The following CTC1 variants were observed in gnomAD, a reference collection of about 807,000 sequenced individuals.
The protein encoded by CTC1 is CST complex subunit CTC1.
CTC1 carries 91 observed loss-of-function variants against 136.3 expected under a neutral mutation model. That is an observed-to-expected ratio of 0.67 (90% CI 0.56 to 0.79). The LOEUF (loss-of-function observed/expected upper bound fraction) is 0.79, where lower values mean the gene tolerates loss of function less well. CTC1 is among the 30% of genes least tolerant of loss of function. The pLI is 0.00. For missense variants in CTC1, 1,432 were observed against 1,498.1 expected, an observed-to-expected ratio of 0.96 and a Z score of 0.73; for synonymous variants, 606 against 613.8, an observed-to-expected ratio of 0.99 and a Z score of 0.19.
chr17:8,233,843 G>A (rs956845457), intron 10 of CTC1, among the ~76,000 whole-genome samples: 3 of 152,046 alleles, frequency 2.0e-5, no homozygotes, highest in Admixed American at 6.6e-5. Flanking sequence ...AGGCTGAGGT[G>A]GGAAGATCAC....
At chr17:8,230,723 G>T in intron 15 of CTC1, 72 bp from the exon 16 acceptor site, 2 of 1,314,524 alleles carry the variant, frequency 1.5e-6, no homozygotes, top group Non-Finnish European at 2.2e-6. Flanking sequence ...CAGATTCAAG[G>T]CAGAAAATGG....
At chr17:8,234,720 G>A (rs1987547332) in intron 9 of CTC1, 29 bp downstream of exon 9, 1 of 1,581,480 alleles carries the variant, frequency 6.3e-7, no homozygotes, top group South Asian at 1.2e-5. Flanking sequence ...CCAGTGTTCT[G>A]CCACCATCCT....
intron 1 of CTC1, among the ~76,000 whole-genome samples, chr17:8,243,550 G>A (rs924750012): frequency 6.6e-6 from 1 of 151,748 alleles, no homozygotes; most frequent in African/African-American, 2.4e-5. Context: ...AATATCCAGA[G>A]GGCACATGAA....
chr17:8,236,657 A>G (rs1406645485), intron 5 of CTC1, among the ~76,000 whole-genome samples: 1 of 152,236 alleles, frequency 6.6e-6, no homozygotes, highest in East Asian at 1.9e-4. Context: ...TCATGTAATC[A>G]AAGTGTATTG....
Position 8,231,339 on chromosome 17 carries a change from T to C in CTC1, c.2606A>G (p.Gln869Arg). ...TGACTTGTTTGCATCCAGCACATCT[T>C]GGATATCCTGGGAGCTTTCAAGCTC... ...TLELESSQDI[Q>R]DVLDANKSLP... The change falls in exon 15 of 23, where the codon CAA (glutamine) becomes CGA (arginine). Residue 869 changes from glutamine (Q) to arginine (R), a missense_variant. By Grantham distance (43) the Gln-to-Arg change is conservative. Coordinates refer to ENST00000651323, the MANE Select transcript of CTC1 (RefSeq NM_025099.6). The C allele has an allele frequency of 3.7e-6, 6 of 1,609,106 alleles. No homozygotes were observed. Among genetic ancestry groups the C allele is most frequent in the Admixed American group, 1.7e-5 (1 of 59,732 alleles).
In CTC1 at chr17:8,226,258, A is replaced by G. The variant is rs1313662135; in HGVS notation, c.*1922T>C. On this transcript the variant is annotated 3_prime_UTR_variant, in exon 23 of 23. Transcript: ENST00000651323. ...AAAGGCACCGCTGGGATTCGAACCC[A>G]GGATCTCCTGTTTACTAGACAGGCG... The G allele has an allele frequency of 1.3e-5, 2 of 152,348 alleles. No homozygotes were observed. Among genetic ancestry groups the G allele is most frequent in the Non-Finnish European group, 2.9e-5 (2 of 68,044 alleles). The allele number at this position is 152,348 out of a possible 1,614,324, so 9.4% of individuals were successfully genotyped here.
rs1442228646 is a variant in CTC1, at chr17:8,227,375, G to A, written c.*805C>T. 2.0e-5 allele frequency: 3 copies of A among 152,190 alleles called. No homozygotes were observed. The highest frequency in any genetic ancestry group is 2.0e-4 in the Admixed American group (3 of 15,280). 9.4% of individuals were successfully genotyped at this position (152,190 alleles called of 1,614,324 possible). On this transcript the variant is annotated 3_prime_UTR_variant, in exon 23 of 23. Transcript: ENST00000651323. ...ATTTCGGAGCACCTTCTGGTCTCAA[G>A]GTATATCGATCAAGGATCTGCCTTA...
At position 8,228,633 on chromosome 17, in the gene CTC1, G is replaced by T. The variant is rs1371485596; in HGVS notation, c.3388-4C>A. On this transcript the variant is annotated splice_polypyrimidine_tract_variant and splice_region_variant and intron_variant, in intron 21 of 22. Transcript: ENST00000651323. ...GCTCGTCAACCCTGGCTGAAGACTA[G>T]AAAGAGAAGGTCAAGGTTAACTGGC... The T allele has an allele frequency of 1.9e-6, 3 of 1,614,060 alleles. No individual in the cohort carries two copies. The African/African-American group carries it at 4.0e-5, about 22-fold the overall frequency.
At chr17:8,244,058 G>C (rs1348285367) in intron 1 of CTC1, among the ~76,000 whole-genome samples, 3 of 152,158 alleles carry the variant, frequency 2.0e-5, no homozygotes, top group African/African-American at 4.8e-5. Flanking sequence ...GACAGAGTGA[G>C]ACACTGTCTC....
Position 8,236,303 on chromosome 17 carries a change from C to G in CTC1, c.832G>C (p.Gly278Arg). ...QLVWHRALRP[G>R]TAYVLTELRV... is the part of the protein sequence containing the mutation. Reference sequence around the variant, plus strand: ...AGTTCTGTCAGCACATAGGCTGTACCAGGCCGAAGGGCTCTGTGCCACACC... The same window carrying G: ...AGTTCTGTCAGCACATAGGCTGTACGAGGCCGAAGGGCTCTGTGCCACACC... The change falls in exon 6 of 23, where the codon GGT (glycine) becomes CGT (arginine). Residue 278 changes from glycine (G) to arginine (R), a missense_variant. Physicochemically the swap from Gly to Arg is moderately radical, Grantham distance 125. Coordinates refer to ENST00000651323, the MANE Select transcript of CTC1 (RefSeq NM_025099.6). 1 of 1,611,778 alleles carries G rather than the reference C, an allele frequency of 6.2e-7. No individual in the cohort carries two copies. The highest frequency in any genetic ancestry group is 1.3e-5 in the African/African-American group (1 of 75,036).
intron 1 of CTC1, among the ~76,000 whole-genome samples, 169 bp from the exon 2 acceptor site, chr17:8,243,317 C>T (rs1221289609): frequency 4.6e-5 from 7 of 151,982 alleles, no homozygotes; most frequent in Non-Finnish European, 1.0e-4. Context: ...GTTGGGAGTT[C>T]GAGACCAGCC....
chr17:8,234,781 G>T lies in CTC1; in HGVS notation c.1585C>A (p.Leu529Ile), dbSNP rs201560353. The change falls in exon 9 of 23, where the codon CTT becomes ATT. Residue 529 changes from leucine to isoleucine, a missense_variant. Coordinates refer to ENST00000651323, the MANE Select transcript of CTC1 (RefSeq NM_025099.6). ...SPVRNAHNEI[L>I]EEPHHCPLQK... is the part of the protein sequence containing the mutation. ...AGGGGACAGTGATGTGGCTCTTCAAGGATCTCATTGTGTGCATTCCGAACA... is the reference window on the plus strand; with the variant it reads ...AGGGGACAGTGATGTGGCTCTTCAATGATCTCATTGTGTGCATTCCGAACA... 314 of 1,604,366 alleles carry T rather than the reference G, an allele frequency of 2.0e-4. No homozygotes were observed. Among genetic ancestry groups the T allele is most frequent in the Non-Finnish European group, 2.5e-4 (298 of 1,174,732 alleles).
At chr17:8,240,093 T>C (rs1988081936) in intron 2 of CTC1, among the ~76,000 whole-genome samples, 1 of 151,910 alleles carries the variant, frequency 6.6e-6, no homozygotes, top group African/African-American at 2.4e-5. Flanking sequence ...AAGTCCATGT[T>C]CTTTCTCTGT....
chr17:8,239,352 T>C (rs2151534464), intron 2 of CTC1, among the ~76,000 whole-genome samples: 1 of 152,216 alleles, frequency 6.6e-6, no homozygotes, highest in African/African-American at 2.4e-5. Flanking sequence ...CCAACTACAA[T>C]GACCCCAGTC....
chr17:8,246,164 G>A (rs1425144937), intron 1 of CTC1, among the ~76,000 whole-genome samples: 1 of 140,202 alleles, frequency 7.1e-6, no homozygotes, highest in East Asian at 2.1e-4. Flanking sequence ...CCATGATGGT[G>A]CCACTGCACT....
rs1986604076 is a variant in CTC1 at position 8,226,022 on chromosome 17, T to TA, written c.*2157dup. The TA allele has an allele frequency of 6.6e-6, 1 of 152,062 alleles. No individual in the cohort carries two copies. Among genetic ancestry groups the TA allele is most frequent in the Non-Finnish European group, 1.5e-5 (1 of 68,018 alleles). The allele number at this position is 152,062 out of a possible 1,614,324, so 9.4% of individuals were successfully genotyped here. A position where few individuals can be genotyped will look rare whatever the true frequency, so the allele number is the denominator to read the frequency against. On this transcript the variant is annotated 3_prime_UTR_variant, in exon 23 of 23. Transcript: ENST00000651323. ...TGCACCAGTGGGGTGTGGCATCAGT[T>TA]AAGCAAAGGACCCTTAGGCCTATGC...
At chr17:8,230,747 G>A (rs1364976550) in intron 15 of CTC1, 96 bp from the exon 16 acceptor site, 2 of 1,005,170 alleles carry the variant, frequency 2.0e-6, no homozygotes, top group Non-Finnish European at 3.1e-6. Context: ...TAAAGTATCT[G>A]CTAGAACTTC....
chr17:8,237,572 G>A (rs1321409924), intron 4 of CTC1, 53 bp from the exon 5 acceptor site: 4 of 1,511,516 alleles, frequency 2.6e-6, no homozygotes, highest in African/African-American at 2.8e-5. Context: ...GGCTGAGGGA[G>A]GAGAATCACT....
chr17:8,228,235 G>A lies in CTC1; in HGVS notation c.3599C>T (p.Ser1200Phe). 6.2e-7 allele frequency: 1 copy of A among 1,614,118 alleles called. No homozygotes were observed. Among genetic ancestry groups the A allele is most frequent in the Non-Finnish European group, 8.5e-7 (1 of 1,179,982 alleles). ...GCTGGAGTACTCTGACTCTCGGATA[G>A]AAAGGCAGGACAATCGGAGCCTGGG... ...VNPRLRLSCL[S>F]IRESEYSSSL... is the part of the protein sequence containing the mutation. The change falls in exon 23 of 23, where the codon TCT (serine) becomes TTT (phenylalanine). Residue 1200 changes from serine to phenylalanine, a missense_variant. Physicochemically the swap from Ser to Phe is radical, Grantham distance 155 (BLOSUM62 -2). Transcript: ENST00000651323.
Sources: gnomAD v4.1 joint callset for allele counts (sites outside exome capture counted in the v4.1 genomes callset) on GRCh38, gnomAD v4.1.1 for gene constraint, MANE v1.5 for transcripts, NCBI Gene and HGNC (gene_info 2026-07-23, HGNC 2026-07-21) for gene names.